Variants in RANBP6 observed in about 807,000 individuals in gnomAD.
RANBP6 encodes the protein ran-binding protein 6.
A neutral mutation model predicts 35.3 loss-of-function variants in RANBP6; 10 were observed. The observed-to-expected ratio is 0.28, with a 90% CI of 0.17 to 0.48. The LOEUF is 0.48. Ranked by LOEUF, RANBP6 falls within the 20% of genes least tolerant of loss-of-function variation. The pLI is 0.99. For missense variants in RANBP6, 1,392 were observed against 1,307.7 expected (o/e 1.06, Z -0.99); for synonymous variants, 514 against 464.2 (o/e 1.11, Z -1.38).
chr9:6,012,372 G>C lies in RANBP6; in HGVS notation c.3236C>G (p.Ser1079Cys). The change falls in exon 1 of 1, where the codon TCT (serine) becomes TGT (cysteine). Residue 1079 changes from serine to cysteine, a missense_variant. Physicochemically the swap from Ser to Cys is moderately radical, Grantham distance 112. Transcript: ENST00000259569. Reference sequence around the variant, plus strand: ...TACACATTCCAACCATAAATCTTCAGAAGTCTGTACCTGACGCACGACATT... The same window carrying C: ...TACACATTCCAACCATAAATCTTCACAAGTCTGTACCTGACGCACGACATT... ...LANVVRQVQT[S>C]EDLWLECVSQ... The C allele has an allele frequency of 1.2e-6, 2 of 1,612,646 alleles. No homozygotes were observed. The highest frequency in any genetic ancestry group is 1.7e-6 in the Non-Finnish European group (2 of 1,179,634).
chr9:6,014,042 T>A lies in RANBP6; in HGVS notation c.1566A>T (p.Thr522=). 6.2e-7 allele frequency: 1 copy of A among 1,613,822 alleles called. No individual in the cohort carries two copies. The highest frequency in any genetic ancestry group is 8.5e-7 in the Non-Finnish European group (1 of 1,179,944). The change falls in exon 1 of 1, where the codon ACA becomes ACT. Residue 522 remains threonine (T), a synonymous_variant. Transcript: ENST00000259569. ...TTGTATCTGCAACTGATGCAATGGT[T>A]GTCACAAGTTGTTCCAAAGCCAACT... ...GTKLALEQLV[T]TIASVADTIE...
chr9:6,014,962 T>C lies in RANBP6; in HGVS notation c.646A>G (p.Ile216Val), dbSNP rs1305078739. The C allele has an allele frequency of 1.2e-6, 2 of 1,614,082 alleles. No individual in the cohort carries two copies. Among genetic ancestry groups the C allele is most frequent in the South Asian group, 1.1e-5 (1 of 91,088 alleles). Residue 216 changes from isoleucine (I) to valine (V), a missense_variant, in exon 1 of 1, where the codon ATT (isoleucine) becomes GTT (valine). Physicochemically the swap from Ile to Val is conservative, Grantham distance 29. Transcript: ENST00000259569. ...AAFVLANENN[I>V]ALFKDFADLL... ...TCTGCAAAGTCTTTGAAAAGAGCAA[T>C]ATTATTCTCATTAGCAAGTACAAAT...
Position 6,015,231 on chromosome 9 carries a change from C to G in RANBP6, c.377G>C (p.Arg126Thr). 1 of 1,614,164 alleles carries G rather than the reference C, an allele frequency of 6.2e-7. No homozygotes were observed. ...KLCDIFAVLA[R>T]NLIDEDGTNH... ...AGTGCCATCCTCATCTATCAAATTC[C>G]TGGCCAGCACTGCAAAAATATCACA... is the stretch of plus-strand genomic sequence containing the variant. The change falls in exon 1 of 1, where the codon AGG (arginine) becomes ACG (threonine). Residue 126 changes from arginine (R) to threonine (T), a missense_variant. Arg to Thr is a moderately conservative substitution (Grantham distance 71). Coordinates refer to ENST00000259569, the MANE Select transcript of RANBP6 (RefSeq NM_012416.4).
chr9:6,012,523 C>T lies in RANBP6; in HGVS notation c.3085G>A (p.Glu1029Lys). 1 of 1,612,616 alleles carries T rather than the reference C, an allele frequency of 6.2e-7. No homozygotes were observed. Residue 1029 changes from glutamate to lysine, a missense_variant, in exon 1 of 1, where the codon GAA (glutamate) becomes AAA (lysine). Coordinates refer to ENST00000259569, the MANE Select transcript of RANBP6 (RefSeq NM_012416.4). ...QTLSFLCDLI[E>K]SNHPVVIGPN... is the part of the protein sequence containing the mutation. ...CCAATTACAACTGGGTGGTTACTTT[C>T]AATTAGGTCACAGAGAAAACTCAAA...
rs1842543502 is a variant in RANBP6 at position 6,014,749 on chromosome 9, C to G, written c.859G>C (p.Ala287Pro). The G allele has an allele frequency of 6.2e-7, 1 of 1,614,030 alleles. No individual in the cohort carries two copies. The highest frequency in any genetic ancestry group is 8.5e-7 in the Non-Finnish European group (1 of 1,180,032). ...SRLSNLQRQLALEVIVTLSET... is the reference protein window; with the variant it reads ...SRLSNLQRQLPLEVIVTLSET... ...GACAAGGTCACTATAACTTCGAGGG[C>G]CAGCTGGCGCTGCAGATTACTAAGC... is the stretch of plus-strand genomic sequence containing the variant. Residue 287 changes from alanine to proline, a missense_variant, in exon 1 of 1, where the codon GCC (alanine) becomes CCC (proline). Ala to Pro is a conservative substitution (Grantham distance 27). Coordinates refer to ENST00000259569, the MANE Select transcript of RANBP6 (RefSeq NM_012416.4).
Position 6,013,944 on chromosome 9 carries a change from T to A in RANBP6, c.1664A>T (p.Gln555Leu). 6.2e-7 allele frequency: 1 copy of A among 1,614,036 alleles called. No individual in the cohort carries two copies. Among genetic ancestry groups the A allele is most frequent in the Non-Finnish European group, 8.5e-7 (1 of 1,180,016 alleles). Residue 555 changes from glutamine to leucine, a missense_variant, in exon 1 of 1, where the codon CAG becomes CTG. Transcript: ENST00000259569. ...SLKHIVELAV[Q>L]KELKLLRGKT... ...TCCTCTCAGAAGCTTGAGTTCCTTC[T>A]GAACAGCAAGCTCAACAATGTGCTT... is the stretch of plus-strand genomic sequence containing the variant.
At position 6,012,361 on chromosome 9, in the gene RANBP6, A is replaced by G. The variant is rs757736689; in HGVS notation, c.3247T>C (p.Trp1083Arg). The change falls in exon 1 of 1, where the codon TGG becomes CGG. Residue 1083 changes from tryptophan (W) to arginine (R), a missense_variant. Physicochemically the swap from Trp to Arg is moderately radical, Grantham distance 101 (BLOSUM62 -3). Transcript: ENST00000259569. ...TCAAGTTGTGATACACATTCCAACC[A>G]TAAATCTTCAGAAGTCTGTACCTGA... Reference protein sequence around the residue: ...VRQVQTSEDLWLECVSQLDDE... With the variant: ...VRQVQTSEDLRLECVSQLDDE... 6.2e-7 allele frequency: 1 copy of G among 1,611,410 alleles called. No individual in the cohort carries two copies. Among genetic ancestry groups the G allele is most frequent in the Non-Finnish European group, 8.5e-7 (1 of 1,179,274 alleles).
rs777843008 is a variant in RANBP6 at position 6,015,145 on chromosome 9, G to A, written c.463C>T (p.Leu155=). 3.7e-6 allele frequency: 6 copies of A among 1,613,982 alleles called. No individual in the cohort carries two copies. In the Admixed American group the frequency reaches 5.0e-5, roughly 13 times the overall value. Residue 155 remains leucine (L), a synonymous_variant, in exon 1 of 1, where the codon CTA becomes TTA. Coordinates refer to ENST00000259569, the MANE Select transcript of RANBP6 (RefSeq NM_012416.4). ...AAAACGTGAAGTGCAACTTCCCATA[G>A]AACCACATTTTTGGAGTAGATTGAA... ...IDSIYSKNVV[L]WEVALHVFWH...
chr9:6,012,257 T>C lies in RANBP6; in HGVS notation c.*33A>G, dbSNP rs1435674532. The C allele has an allele frequency of 2.9e-6, 4 of 1,400,952 alleles. No homozygotes were observed. Among genetic ancestry groups the C allele is most frequent in the Middle Eastern group, 2.0e-4 (1 of 5,118 alleles). The allele number at this position is 1,400,952 out of a possible 1,614,324, so 86.8% of individuals were successfully genotyped here. A position where few individuals can be genotyped will look rare whatever the true frequency, so the allele number is the denominator to read the frequency against. On this transcript the variant is annotated 3_prime_UTR_variant, in exon 1 of 1. Coordinates refer to ENST00000259569, the MANE Select transcript of RANBP6 (RefSeq NM_012416.4). ...CAACACTTATTTGTAGTTACTTTTA[T>C]AATAGATAATATTCAAGTTATATTA...
chr9:6,013,350 A>T lies in RANBP6; in HGVS notation c.2258T>A (p.Met753Lys). The change falls in exon 1 of 1, where the codon ATG becomes AAG. Residue 753 changes from methionine (M) to lysine (K), a missense_variant. Met to Lys is a moderately conservative substitution (Grantham distance 95, BLOSUM62 -1). Coordinates refer to ENST00000259569, the MANE Select transcript of RANBP6 (RefSeq NM_012416.4). Reference protein sequence around the residue: ...RIRGPEYLAQMWQFICDPLIK... With the variant: ...RIRGPEYLAQKWQFICDPLIK... ...TAAGGGGTCACATATGAATTGCCAC[A>T]TCTGTGCAAGATACTCTGGGCCACG... 6.2e-7 allele frequency: 1 copy of T among 1,614,198 alleles called. No individual in the cohort carries two copies.
chr9:6,013,804 T>C lies in RANBP6; in HGVS notation c.1804A>G (p.Met602Val), dbSNP rs754563960. The change falls in exon 1 of 1, where the codon ATG becomes GTG. Residue 602 changes from methionine to valine, a missense_variant. Coordinates refer to ENST00000259569, the MANE Select transcript of RANBP6 (RefSeq NM_012416.4). ...GAGGTCTGAGGGTCATCATCTTCCA[T>C]ATTATTTAAGTCTGATTGTGTCTTC... ...LLKTQSDLNN[M>V]EDDDPQTSYM... 123 of 1,613,836 alleles carry C rather than the reference T, an allele frequency of 7.6e-5. No individual in the cohort carries two copies. Among genetic ancestry groups the C allele is most frequent in the Middle Eastern group, 6.6e-4 (4 of 6,084 alleles).
chr9:6,013,698 G>T lies in RANBP6; in HGVS notation c.1910C>A (p.Pro637His). Reference sequence around the variant, plus strand: ...TTTAGCTGAAGCAGTCTTAATAAGAGGCTCGATAACCAGTGGAAGGTACTG... The same window carrying T: ...TTTAGCTGAAGCAGTCTTAATAAGATGCTCGATAACCAGTGGAAGGTACTG... Reference protein sequence around the residue: ...FQQYLPLVIEPLIKTASAKPD... With the variant: ...FQQYLPLVIEHLIKTASAKPD... Residue 637 changes from proline to histidine, a missense_variant, in exon 1 of 1, where the codon CCT (proline) becomes CAT (histidine). Physicochemically the swap from Pro to His is moderately conservative, Grantham distance 77. Transcript: ENST00000259569. 1.2e-6 allele frequency: 2 copies of T among 1,614,032 alleles called. No homozygotes were observed. The highest frequency in any genetic ancestry group is 1.7e-6 in the Non-Finnish European group (2 of 1,179,986).
In RANBP6 at chr9:6,012,593, T is replaced by C. The variant is rs151310811; in HGVS notation, c.3015A>G (p.Leu1005=). The C allele has an allele frequency of 5.1e-5, 82 of 1,614,120 alleles. No individual in the cohort carries two copies. In the East Asian group the frequency reaches 7.6e-4, roughly 15 times the overall value. The change falls in exon 1 of 1, where the codon TTA becomes TTG. Residue 1005 remains leucine, a synonymous_variant. Coordinates refer to ENST00000259569, the MANE Select transcript of RANBP6 (RefSeq NM_012416.4). The part of the protein sequence containing the change: ...VNVDEVLPHW[L]SWLPLHEDKE... ...TATCTTCATGCAGTGGAAGCCATGA[T>C]AACCAGTGTGGAAGAACTTCATCTA...
rs1199355985 is a variant in RANBP6 at position 6,012,137 on chromosome 9, A to G, written c.*153T>C. 3.4e-6 allele frequency: 2 copies of G among 590,822 alleles called. No homozygotes were observed. The highest frequency in any genetic ancestry group is 5.9e-5 in the East Asian group (2 of 33,916). The allele number at this position is 590,822 out of a possible 1,614,324, so 36.6% of individuals were successfully genotyped here. A position where few individuals can be genotyped will look rare whatever the true frequency, so the allele number is the denominator to read the frequency against. ...ATAAAACATGCGAGATAAACAGAGG[A>G]CTAACACTGATTAATTCTGGAGAAA... On this transcript the variant is annotated 3_prime_UTR_variant, in exon 1 of 1. Transcript: ENST00000259569.
At position 6,013,805 on chromosome 9, in the gene RANBP6, A is replaced by C; in HGVS notation, c.1803T>G (p.Asn601Lys). 2 of 1,613,930 alleles carry C rather than the reference A, an allele frequency of 1.2e-6. No individual in the cohort carries two copies. Among genetic ancestry groups the C allele is most frequent in the Non-Finnish European group, 1.7e-6 (2 of 1,180,030 alleles). ...AGGTCTGAGGGTCATCATCTTCCAT[A>C]TTATTTAAGTCTGATTGTGTCTTCA... Reference protein sequence around the residue: ...LLLKTQSDLNNMEDDDPQTSY... With the variant: ...LLLKTQSDLNKMEDDDPQTSY... Residue 601 changes from asparagine (N) to lysine (K), a missense_variant, in exon 1 of 1, where the codon AAT (asparagine) becomes AAG (lysine). Asn to Lys is a moderately conservative substitution (Grantham distance 94). Coordinates refer to ENST00000259569, the MANE Select transcript of RANBP6 (RefSeq NM_012416.4).
In RANBP6 at chr9:6,015,151, C is replaced by A; in HGVS notation, c.457G>T (p.Val153Leu). ...FLIDSIYSKN[V>L]VLWEVALHVF... ...TGAAGTGCAACTTCCCATAGAACCA[C>A]ATTTTTGGAGTAGATTGAATCAATA... The change falls in exon 1 of 1, where the codon GTG becomes TTG. Residue 153 changes from valine to leucine, a missense_variant. Val to Leu is a conservative substitution (Grantham distance 32, BLOSUM62 1). Coordinates refer to ENST00000259569, the MANE Select transcript of RANBP6 (RefSeq NM_012416.4). The A allele has an allele frequency of 6.2e-7, 1 of 1,614,140 alleles. No individual in the cohort carries two copies. Among genetic ancestry groups the A allele is most frequent in the South Asian group, 1.1e-5 (1 of 91,086 alleles).
rs777046037 is a variant in RANBP6, at chr9:6,014,131, T to C, written c.1477A>G (p.Met493Val). The change falls in exon 1 of 1, where the codon ATG becomes GTG. Residue 493 changes from methionine (M) to valine (V), a missense_variant. By Grantham distance (21) the Met-to-Val change is conservative (BLOSUM62 1). Coordinates refer to ENST00000259569, the MANE Select transcript of RANBP6 (RefSeq NM_012416.4). The part of the protein sequence containing the change: ...KSLLVLYVDS[M>V]VKNLHSVLVI... Reference sequence around the variant, plus strand: ...AAGACGGAATGTAGATTTTTCACCATACTATCCACATATAGAACTAGCAAT... The same window carrying C: ...AAGACGGAATGTAGATTTTTCACCACACTATCCACATATAGAACTAGCAAT... 4 of 1,614,048 alleles carry C rather than the reference T, an allele frequency of 2.5e-6. No individual in the cohort carries two copies. Among genetic ancestry groups the C allele is most frequent in the Non-Finnish European group, 8.5e-7 (1 of 1,180,022 alleles).
Position 6,012,689 on chromosome 9 carries a change from A to C in RANBP6, c.2919T>G (p.Asn973Lys). The C allele has an allele frequency of 3.1e-6, 5 of 1,612,966 alleles. No homozygotes were observed. Among genetic ancestry groups the C allele is most frequent in the South Asian group, 1.1e-5 (1 of 90,874 alleles). The change falls in exon 1 of 1, where the codon AAT becomes AAG. Residue 973 changes from asparagine to lysine, a missense_variant. Asn to Lys is a moderately conservative substitution (Grantham distance 94). Transcript: ENST00000259569. ...AGATACAGTTCTCTGTAGCAATGAC[A>C]TTTTTTTTGGTTTTGGAATTTGCAC... ...IKCANSKTKK[N>K]VIATENCISA...
At position 6,013,150 on chromosome 9, in the gene RANBP6, G is replaced by C. The variant is rs1286364753; in HGVS notation, c.2458C>G (p.Gln820Glu). The C allele has an allele frequency of 1.9e-5, 31 of 1,613,838 alleles. No homozygotes were observed. The highest frequency in any genetic ancestry group is 2.6e-5 in the Non-Finnish European group (31 of 1,180,022). ...TAGTTTTCTTCCTGTCTTTTCACCTGTCTCAATTCTTGGTTTTTAAAGTGC... is the reference window on the plus strand; with the variant it reads ...TAGTTTTCTTCCTGTCTTTTCACCTCTCTCAATTCTTGGTTTTTAAAGTGC... ...EGHFKNQELR[Q>E]VKRQEENYDQ... Residue 820 changes from glutamine to glutamate, a missense_variant, in exon 1 of 1, where the codon CAG (glutamine) becomes GAG (glutamate). Physicochemically the swap from Gln to Glu is conservative, Grantham distance 29. Transcript: ENST00000259569.
Sources: allele counts gnomAD v4.1 joint callset, GRCh38; gene constraint gnomAD v4.1.1; transcripts MANE v1.5; gene names NCBI Gene and HGNC (gene_info 2026-07-23, HGNC 2026-07-21).